SH3TC2: variants seen among roughly 807,000 people sequenced by gnomAD.
SH3TC2 encodes SH3 domain and tetratricopeptide repeats 2.
SH3TC2 carries 87 observed loss-of-function variants against 124.5 expected under a neutral mutation model. The ratio of observed to expected loss-of-function variants is 0.70; its 90% confidence interval spans 0.59 to 0.84. The LOEUF is 0.84. Ranked by LOEUF, SH3TC2 falls within the 40% of genes least tolerant of loss-of-function variation. SH3TC2 has a pLI of 0.00. For synonymous variants in SH3TC2, 634 were observed against 628.5 expected (o/e 1.01, Z -0.13); for missense variants, 1,536 against 1,566.4 (o/e 0.98, Z 0.33).
chr5:149,031,807 A>G (rs968852664), intron 8 of SH3TC2, 120 bp from the exon 9 acceptor site: 3 of 1,259,384 alleles, frequency 2.4e-6, no homozygotes, highest in African/African-American at 1.5e-5. Flanking sequence ...AACTTCCCGC[A>G]AATGAAATTA....
intron 2 of SH3TC2, among the ~76,000 whole-genome samples, chr5:149,048,365 A>C (rs1173118273): frequency 1.3e-5 from 2 of 152,158 alleles, no homozygotes; most frequent in African/African-American, 4.8e-5. Flanking sequence ...ATAGGACTTT[A>C]TCCATATTTA....
chr5:149,025,340 G>T (rs562643166), intron 12 of SH3TC2, among the ~76,000 whole-genome samples: 1 of 152,182 alleles, frequency 6.6e-6, no homozygotes, highest in Admixed American at 6.5e-5. Context: ...AGAGAAGGGG[G>T]AGTGGAATTC....
intron 16 of SH3TC2, among the ~76,000 whole-genome samples, chr5:149,005,717 A>G (rs902926997): frequency 2.6e-5 from 4 of 152,218 alleles, no homozygotes; most frequent in Non-Finnish European, 5.9e-5. Context: ...ATTAACCCTC[A>G]TAAGTCAGTA....
At position 148,993,603 on chromosome 5, in the gene SH3TC2, C is replaced by T. The variant is rs898330520; in HGVS notation, c.*11108G>A. ...CAGCAATATATCACGGAGGTCAAAA[C>T]GTCTGCCAGACTAAACATAGGTTCA... On this transcript the variant is annotated 3_prime_UTR_variant, in exon 17 of 17. Coordinates refer to ENST00000515425, the MANE Select transcript of SH3TC2 (RefSeq NM_024577.4). 6.6e-5 allele frequency among the ~76,000 whole-genome samples: 10 copies of T among 152,122 alleles called. No homozygotes were observed. In the East Asian group the frequency reaches 9.6e-4, roughly 15 times the overall value.
chr5:149,060,646 A>G (rs1235134607), intron 1 of SH3TC2, among the ~76,000 whole-genome samples: 3 of 152,240 alleles, frequency 2.0e-5, no homozygotes, highest in Non-Finnish European at 2.9e-5. Context: ...GAAGCACCCC[A>G]GGAAACATAA....
At position 148,998,519 on chromosome 5, in the gene SH3TC2, G is replaced by T. The variant is rs1410080608; in HGVS notation, c.*6192C>A. Among the ~76,000 whole-genome samples the T allele has an allele frequency of 1.3e-5, 2 of 152,186 alleles. No homozygotes were observed. Among genetic ancestry groups the T allele is most frequent in the East Asian group, 3.8e-4 (2 of 5,204 alleles). ...AAGCTAGTGTGATGCCCTGGATAAGGAGTCAAAGGCAGCACTAGAAGTGGC... is the reference window on the plus strand; with the variant it reads ...AAGCTAGTGTGATGCCCTGGATAAGTAGTCAAAGGCAGCACTAGAAGTGGC... On this transcript the variant is annotated 3_prime_UTR_variant, in exon 17 of 17. Coordinates refer to ENST00000515425, the MANE Select transcript of SH3TC2 (RefSeq NM_024577.4).
intron 12 of SH3TC2, among the ~76,000 whole-genome samples, chr5:149,019,940 T>C (rs1345883521): frequency 6.6e-6 from 1 of 152,194 alleles, no homozygotes. Flanking sequence ...TGTTTGGAAG[T>C]TCCCTGGAAG....
chr5:149,031,804 C>G, intron 8 of SH3TC2, 117 bp from the exon 9 acceptor site: 17 of 1,386,352 alleles, frequency 1.2e-5, no homozygotes, highest in Non-Finnish European at 1.7e-5. Flanking sequence ...ACCAACTTCC[C>G]GCAAATGAAA....
chr5:149,059,660 A>C (rs1310086429), intron 1 of SH3TC2, among the ~76,000 whole-genome samples: 2 of 152,078 alleles, frequency 1.3e-5, no homozygotes, highest in Admixed American at 6.6e-5. Context: ...AAAAAAAAAA[A>C]AGTTGCATCA....
chr5:149,055,214 G>T (rs1754626303), intron 1 of SH3TC2, among the ~76,000 whole-genome samples: 1 of 152,066 alleles, frequency 6.6e-6, no homozygotes, highest in Non-Finnish European at 1.5e-5. Flanking sequence ...ATCAAAAGAT[G>T]CAATTAAGAG....
intron 9 of SH3TC2, among the ~76,000 whole-genome samples, chr5:149,031,082 T>C (rs1053558102): frequency 3.9e-5 from 6 of 152,386 alleles, no homozygotes; most frequent in African/African-American, 1.4e-4. Context: ...AGTGGATTGC[T>C]CTGACTAGCA....
intron 12 of SH3TC2, among the ~76,000 whole-genome samples, chr5:149,023,911 G>T (rs1300436494): frequency 1.3e-5 from 2 of 152,114 alleles, no homozygotes; most frequent in Non-Finnish European, 2.9e-5. Flanking sequence ...TGTTCCTCAT[G>T]AAGTAGAACA....
chr5:149,059,253 C>A (rs1348470894), intron 1 of SH3TC2, among the ~76,000 whole-genome samples: 1 of 152,022 alleles, frequency 6.6e-6, no homozygotes, highest in Non-Finnish European at 1.5e-5. Flanking sequence ...CAGAGGCCAT[C>A]CAAATCAATG....
chr5:149,028,175 C>G lies in SH3TC2; in HGVS notation c.1557G>C (p.Lys519Asn). The G allele has an allele frequency of 6.2e-7, 1 of 1,614,160 alleles. No homozygotes were observed. The highest frequency in any genetic ancestry group is 8.5e-7 in the Non-Finnish European group (1 of 1,180,028). Reference protein sequence around the residue: ...AYLEASRKWAKKSHMTWAHAR... With the variant: ...AYLEASRKWANKSHMTWAHAR... ...CATGGGCCCAGGTCATGTGGCTCTTCTTGGCCCACTTTCTTGATGCCTCCA... is the reference window on the plus strand; with the variant it reads ...CATGGGCCCAGGTCATGTGGCTCTTGTTGGCCCACTTTCTTGATGCCTCCA... The change falls in exon 11 of 17, where the codon AAG (lysine) becomes AAC (asparagine). Residue 519 changes from lysine (K) to asparagine (N), a missense_variant. This residue lies in a region of SH3TC2 where 1,102 missense variants were observed against 1,098.6 expected (regional missense o/e 1.00). Coordinates refer to ENST00000515425, the MANE Select transcript of SH3TC2 (RefSeq NM_024577.4).
chr5:149,057,768 C>T (rs1003109279), intron 1 of SH3TC2: 2 of 152,208 alleles, frequency 1.3e-5, no homozygotes. Context: ...TGGACTCAAA[C>T]CCTGGCTTCT....
Position 148,995,227 on chromosome 5 carries a change from T to C in SH3TC2, c.*9484A>G, listed in dbSNP as rs1479921049. Among the ~76,000 whole-genome samples the C allele has an allele frequency of 1.3e-5, 2 of 152,236 alleles. No homozygotes were observed. Among genetic ancestry groups the C allele is most frequent in the Admixed American group, 6.5e-5 (1 of 15,288 alleles). On this transcript the variant is annotated 3_prime_UTR_variant, in exon 17 of 17. Transcript: ENST00000515425. ...GAAAACGTGTATCAGAATTACATAA[T>C]TATATAAAGCACTGATTTTCCAGGT...
Position 149,003,849 on chromosome 5 carries a change from C to CAAAAAAAAAAAAAAAAA in SH3TC2, c.*845_*861dup, listed in dbSNP as rs5872107. On this transcript the variant is annotated 3_prime_UTR_variant, in exon 17 of 17. Coordinates refer to ENST00000515425, the MANE Select transcript of SH3TC2 (RefSeq NM_024577.4). ...CTGGGCAACAGAGGAGAAACTGTCTCAAAAAAAAAAAAAAAAAAAAAAGAC... is the reference window on the plus strand; with the variant it reads ...CTGGGCAACAGAGGAGAAACTGTCTCAAAAAAAAAAAAAAAAAAAAAAAAAAAAAAAAAAAAAAAGAC... 6.3e-6 allele frequency: 1 copy of CAAAAAAAAAAAAAAAAA among 158,954 alleles called. No homozygotes were observed. The highest frequency in any genetic ancestry group is 1.2e-5 in the Non-Finnish European group (1 of 83,744). The allele number at this position is 158,954 out of a possible 1,614,324, so 9.8% of individuals were successfully genotyped here.
chr5:149,006,996 T>A lies in SH3TC2; in HGVS notation c.3560A>T (p.Asp1187Val). The A allele has an allele frequency of 6.2e-7, 1 of 1,614,172 alleles. No individual in the cohort carries two copies. The highest frequency in any genetic ancestry group is 8.5e-7 in the Non-Finnish European group (1 of 1,180,014). The change falls in exon 16 of 17, where the codon GAC becomes GTC. Residue 1187 changes from aspartate (D) to valine (V), a missense_variant. By Grantham distance (152) the Asp-to-Val change is radical (BLOSUM62 -3). Around this residue, in one of 3 missense-constraint regions of SH3TC2, gnomAD observed 426 missense variants for 443.5 expected, o/e 0.96. Coordinates refer to ENST00000515425, the MANE Select transcript of SH3TC2 (RefSeq NM_024577.4). ...YSLHMYEMAE[D>V]CYLKTLSLCP... ...GAGGGACAGGGTCTTCAGGTAGCAGTCCTCAGCCATCTCATACATGTGCAG... is the reference window on the plus strand; with the variant it reads ...GAGGGACAGGGTCTTCAGGTAGCAGACCTCAGCCATCTCATACATGTGCAG...
intron 3 of SH3TC2, chr5:149,044,924 G>T: frequency 3.6e-6 from 1 of 274,218 alleles, no homozygotes; most frequent in Non-Finnish European, 7.0e-6. Flanking sequence ...AGCGGCAGCA[G>T]CAAAAGAAGC....
Sources: allele counts gnomAD v4.1 joint callset (sites outside exome capture counted in the v4.1 genomes callset), GRCh38; gene constraint gnomAD v4.1.1; regional missense constraint gnomAD v4.1.1; transcripts MANE v1.5; gene names NCBI Gene and HGNC (gene_info 2026-07-23, HGNC 2026-07-21).